SPINK5: variants seen among roughly 807,000 people sequenced by gnomAD.
The protein encoded by SPINK5 is serine protease inhibitor Kazal-type 5.
Under a neutral mutation model 151.8 loss-of-function variants are expected in SPINK5, and 125 were observed. The observed-to-expected ratio is 0.82, with a 90% CI of 0.71 to 0.96. The LOEUF (loss-of-function observed/expected upper bound fraction) is 0.96, where lower values mean the gene tolerates loss of function less well. Among genes scored for constraint, SPINK5 ranks in the 40% least tolerant of loss-of-function variants. SPINK5 has a pLI of 0.00. For synonymous variants in SPINK5, 374 were observed against 395.3 expected (o/e 0.95, Z 0.64); for missense variants, 1,194 against 1,291.9 (o/e 0.92, Z 1.16).
At position 148,070,415 on chromosome 5, in the gene SPINK5, G is replaced by A. The variant is rs771729229; in HGVS notation, c.174G>A (p.Met58Ile). 2 of 1,612,702 alleles carry A rather than the reference G, an allele frequency of 1.2e-6. No individual in the cohort carries two copies. Among genetic ancestry groups the A allele is most frequent in the South Asian group, 1.1e-5 (1 of 91,060 alleles). ...KKFFQSLDGI[M>I]FINKCATCKM... ...TTTTTCAAAGTCTTGATGGAATAAT[G>A]TTCATCAATAAATGTGCCACGTGCA... is the stretch of plus-strand genomic sequence containing the variant. Residue 58 changes from methionine to isoleucine, a missense_variant, in exon 3 of 33, where the codon ATG (methionine) becomes ATA (isoleucine). Coordinates refer to ENST00000256084, the MANE Select transcript of SPINK5 (RefSeq NM_006846.4).
chr5:148,111,722 G>A (rs1347547770), intron 18 of SPINK5, 46 bp from the exon 19 acceptor site: 2 of 1,613,248 alleles, frequency 1.2e-6, no homozygotes, highest in African/African-American at 2.7e-5. Flanking sequence ...GATTTCTAGT[G>A]TTTAGTTATT....
intron 2 of SPINK5, among the ~76,000 whole-genome samples, chr5:148,067,981 G>A (rs77924220): frequency 0.045 from 6,899 of 152,130 alleles, 542 homozygotes; most frequent in African/African-American, 0.16. Flanking sequence ...ATCATGAGTC[G>A]TCTATATACT....
At chr5:148,113,142 G>A (rs1753989012) in intron 20 of SPINK5, among the ~76,000 whole-genome samples, 1 of 152,072 alleles carries the variant, frequency 6.6e-6, no homozygotes, top group South Asian at 2.1e-4. Context: ...TACTCCACTT[G>A]GCTGTTGTGA....
chr5:148,129,473 G>A (rs1251786774), intron 30 of SPINK5, among the ~76,000 whole-genome samples: 2 of 150,278 alleles, frequency 1.3e-5, no homozygotes, highest in Non-Finnish European at 3.0e-5. Context: ...TGAAGGTGGA[G>A]TCAACAGAAT....
intron 22 of SPINK5, among the ~76,000 whole-genome samples, chr5:148,117,575 G>GT (rs1433510230): frequency 6.6e-6 from 1 of 152,200 alleles, no homozygotes; most frequent in Non-Finnish European, 1.5e-5. Context: ...AAAACTTTAT[G>GT]TGTAAGAACA....
intron 7 of SPINK5, among the ~76,000 whole-genome samples, chr5:148,090,161 A>C (rs928117840): frequency 1.3e-5 from 2 of 151,952 alleles, no homozygotes; most frequent in African/African-American, 4.8e-5. Flanking sequence ...TTAAAGACGC[A>C]GATGTGGATA....
intron 18 of SPINK5, 36 bp from the exon 19 acceptor site, chr5:148,111,732 T>G (rs767524139): frequency 6.2e-7 from 1 of 1,613,732 alleles, no homozygotes; most frequent in South Asian, 1.1e-5. Flanking sequence ...GTTTAGTTAT[T>G]GGACTCTTAA....
At chr5:148,087,014 C>T (rs1335776515) in intron 5 of SPINK5, among the ~76,000 whole-genome samples, 1 of 151,122 alleles carries the variant, frequency 6.6e-6, no homozygotes, top group Non-Finnish European at 1.5e-5. Context: ...ATACACACAT[C>T]TATCTTCTAT....
intron 11 of SPINK5, among the ~76,000 whole-genome samples, 174 bp downstream of exon 11, chr5:148,098,168 T>A (rs1217028032): frequency 6.6e-6 from 1 of 152,062 alleles, no homozygotes; most frequent in East Asian, 1.9e-4. Flanking sequence ...AGTTATTTGT[T>A]TTAAGACGCC....
rs969446003 is a variant in SPINK5 at position 148,104,839 on chromosome 5, T to A, written c.1431-113T>A. ...TGAACCCGGGAGGTGGAGGTTGCAG[T>A]GAGCCGAGATCGCGCCACTGCACTC... is the stretch of plus-strand genomic sequence containing the variant. On this transcript the variant is annotated intron_variant, in intron 15 of 32. Coordinates refer to ENST00000256084, the MANE Select transcript of SPINK5 (RefSeq NM_006846.4). 9.9e-6 allele frequency: 9 copies of A among 906,746 alleles called. No homozygotes were observed. In the African/African-American group the frequency reaches 1.2e-4, roughly 12 times the overall value. The allele number at this position is 906,746 out of a possible 1,614,324, so 56.2% of individuals were successfully genotyped here.
chr5:148,127,724 GC>G (rs1161506379), intron 30 of SPINK5, among the ~76,000 whole-genome samples: 1 of 152,054 alleles, frequency 6.6e-6, no homozygotes, highest in African/African-American at 2.4e-5. Context: ...TGGGCATGGT[GC>G]CTTGTGCCTG....
At chr5:148,087,411 A>G (rs1299565519) in intron 5 of SPINK5, among the ~76,000 whole-genome samples, 1 of 151,756 alleles carries the variant, frequency 6.6e-6, no homozygotes, top group African/African-American at 2.4e-5. Flanking sequence ...ATAATTATTC[A>G]CTTTTTGAGA....
At chr5:148,074,371 T>A (rs953426110) in intron 4 of SPINK5, among the ~76,000 whole-genome samples, 8 of 151,824 alleles carry the variant, frequency 5.3e-5, no homozygotes, top group Non-Finnish European at 1.0e-4. Flanking sequence ...CTCAATCCAG[T>A]CATCCATAAT....
intron 15 of SPINK5, among the ~76,000 whole-genome samples, chr5:148,104,677 T>C (rs2113131585): frequency 6.6e-6 from 1 of 152,162 alleles, no homozygotes; most frequent in East Asian, 1.9e-4. Flanking sequence ...GGGTGGATCA[T>C]GAGGTCAGGA....
intron 4 of SPINK5, among the ~76,000 whole-genome samples, chr5:148,074,809 G>T (rs1752837172): frequency 6.6e-6 from 1 of 151,168 alleles, no homozygotes; most frequent in Admixed American, 6.6e-5. Context: ...ATATAATTTT[G>T]ATCTACTTTA....
At chr5:148,080,231 T>G (rs1158895371) in intron 4 of SPINK5, among the ~76,000 whole-genome samples, 1 of 150,964 alleles carries the variant, frequency 6.6e-6, no homozygotes, top group African/African-American at 2.4e-5. Context: ...CTGAGAAAAA[T>G]GAAAGATCCA....
Position 148,077,681 on chromosome 5 carries a change from T to A in SPINK5, c.282+5461T>A, listed in dbSNP as rs191936600. Among the ~76,000 whole-genome samples the A allele has an allele frequency of 1.2e-4, 17 of 140,790 alleles. 1 individual carries two copies. The East Asian group carries it at 3.6e-3, about 30-fold the overall frequency. The allele number at this position is 140,790 out of a possible 152,430, so 92.4% of individuals were successfully genotyped here. A position where few individuals can be genotyped will look rare whatever the true frequency, so the allele number is the denominator to read the frequency against. On this transcript the variant is annotated intron_variant, in intron 4 of 32. Transcript: ENST00000256084. ...TATATGACAACAATAGCATAAAGGG[T>A]GATAGAGAAAATAAAGCTTTATTAA... is the stretch of plus-strand genomic sequence containing the variant.
intron 4 of SPINK5, among the ~76,000 whole-genome samples, chr5:148,075,883 G>A (rs1026019508): frequency 2.6e-5 from 4 of 151,784 alleles, no homozygotes; most frequent in Middle Eastern, 6.8e-3. Context: ...TTGGAGTAAC[G>A]AGCAAAAGTC....
intron 13 of SPINK5, 149 bp downstream of exon 13, chr5:148,100,730 G>A (rs1753619335): frequency 1.2e-6 from 1 of 866,788 alleles, no homozygotes; most frequent in Non-Finnish European, 1.8e-6. Context: ...ACATGTATTT[G>A]AAAATCCATG....
Sources: allele counts gnomAD v4.1 joint callset (sites outside exome capture counted in the v4.1 genomes callset), GRCh38; gene constraint gnomAD v4.1.1; transcripts MANE v1.5; gene names NCBI Gene and HGNC (gene_info 2026-07-23, HGNC 2026-07-21).